COBL: variants seen among roughly 807,000 people sequenced by gnomAD.
The protein encoded by COBL is protein cordon-bleu.
COBL carries 51 observed loss-of-function variants against 98.8 expected under a neutral mutation model. The ratio of observed to expected loss-of-function variants is 0.52; its 90% CI spans 0.41 to 0.65. COBL has a LOEUF of 0.65. COBL is among the 30% of genes least tolerant of loss of function. COBL has a pLI of 0.00. For missense variants in COBL, 1,617 were observed against 1,617.5 expected (o/e 1.00, Z 0.01); for synonymous variants, 634 against 651.7 (o/e 0.97, Z 0.41).
chr7:51,049,060 T>G (rs938875782), intron 7 of COBL, among the ~76,000 whole-genome samples: 3 of 152,222 alleles, frequency 2.0e-5, no homozygotes, highest in Admixed American at 2.0e-4. Context: ...TTTCCTCTAA[T>G]ATATGTCAAA....
chr7:51,194,154 G>A (rs572564347), intron 2 of COBL, among the ~76,000 whole-genome samples: 4 of 152,132 alleles, frequency 2.6e-5, no homozygotes, highest in Admixed American at 2.6e-4. Flanking sequence ...TCCCCTCTAT[G>A]TGTCCATGTG....
intron 1 of COBL, among the ~76,000 whole-genome samples, chr7:51,249,746 T>TA (rs1796557724): frequency 6.6e-6 from 1 of 152,142 alleles, no homozygotes; most frequent in Non-Finnish European, 1.5e-5. Flanking sequence ...CCACCAGACC[T>TA]AAACTGGGCA....
chr7:51,029,446 A>T lies in COBL; in HGVS notation c.1650T>A (p.Asp550Glu). ...TGGAAAACAACCCCGAATCCACAGG[A>T]TCATCTGAAACTTCCCCTATGAATG... ...PVTFIGEVSD[D>E]PVDSGLFSNR... The change falls in exon 10 of 13, where the codon GAT (aspartate) becomes GAA (glutamate). Residue 550 changes from aspartate to glutamate, a missense_variant. Asp to Glu is a conservative substitution (Grantham distance 45). Coordinates refer to ENST00000265136, the MANE Select transcript of COBL (RefSeq NM_015198.5). 6.2e-7 allele frequency: 1 copy of T among 1,614,130 alleles called. No homozygotes were observed. Among genetic ancestry groups the T allele is most frequent in the Non-Finnish European group, 8.5e-7 (1 of 1,180,022 alleles).
intron 1 of COBL, among the ~76,000 whole-genome samples, chr7:51,234,460 G>A (rs1156419232): frequency 6.6e-6 from 1 of 152,234 alleles, no homozygotes; most frequent in Non-Finnish European, 1.5e-5. Flanking sequence ...CAGCACTCTG[G>A]GAGGCCTAGG....
At chr7:51,255,354 T>C (rs1207182386) in intron 1 of COBL, among the ~76,000 whole-genome samples, 1 of 152,106 alleles carries the variant, frequency 6.6e-6, no homozygotes, top group East Asian at 1.9e-4. Context: ...GGGAAACTCA[T>C]CAACAACCAC....
intron 4 of COBL, among the ~76,000 whole-genome samples, chr7:51,188,649 G>A (rs1204204252): frequency 6.6e-6 from 1 of 152,170 alleles, no homozygotes; most frequent in Non-Finnish European, 1.5e-5. Context: ...TTGGAGGTTT[G>A]GGAGCAGCTA....
At chr7:51,057,119 T>C (rs1448464097) in intron 7 of COBL, among the ~76,000 whole-genome samples, 1 of 152,206 alleles carries the variant, frequency 6.6e-6, no homozygotes, top group Non-Finnish European at 1.5e-5. Flanking sequence ...TCAGACGGAC[T>C]GTCTCAAGGT....
Position 51,016,768 on chromosome 7 carries a change from T to C in COBL, c.*783A>G, listed in dbSNP as rs1193601838. On this transcript the variant is annotated 3_prime_UTR_variant, in exon 13 of 13. Coordinates refer to ENST00000265136, the MANE Select transcript of COBL (RefSeq NM_015198.5). ...CACCGTGGGGGAGGCCTATGTCACT[T>C]CATAGCCTGGGGAATGGCTGTCCAT... 5.1e-6 allele frequency: 2 copies of C among 395,856 alleles called. No homozygotes were observed. Among genetic ancestry groups the C allele is most frequent in the Non-Finnish European group, 8.9e-6 (2 of 224,986 alleles). 24.5% of individuals were successfully genotyped at this position (395,856 alleles called of 1,614,324 possible).
chr7:51,191,101 A>C, intron 3 of COBL, 23 bp from the exon 4 acceptor site: 1 of 1,602,734 alleles, frequency 6.2e-7, no homozygotes, highest in Non-Finnish European at 8.5e-7. Context: ...ACAGGCAAAA[A>C]GAATTCAGTA....
At chr7:51,179,101 T>C (rs934116359) in intron 5 of COBL, among the ~76,000 whole-genome samples, 3 of 152,240 alleles carry the variant, frequency 2.0e-5, no homozygotes, top group South Asian at 2.1e-4. Context: ...AACTAACTTT[T>C]GGAGATTAGG....
chr7:51,292,133 T>C (rs1214838053), intron 1 of COBL, among the ~76,000 whole-genome samples: 1 of 146,740 alleles, frequency 6.8e-6, no homozygotes, highest in African/African-American at 2.5e-5. Flanking sequence ...GGCAACAGAA[T>C]GAGACTTTGA....
chr7:51,259,689 T>A, intron 1 of COBL: 1 of 738,582 alleles, frequency 1.4e-6, no homozygotes, highest in South Asian at 1.4e-5. Context: ...GTCTTATTCT[T>A]GACCTTGGCT....
At chr7:51,291,459 T>C (rs1800886389) in intron 1 of COBL, among the ~76,000 whole-genome samples, 1 of 152,102 alleles carries the variant, frequency 6.6e-6, no homozygotes, top group Admixed American at 6.5e-5. Context: ...GTGACAGTCA[T>C]AAAAAAGCAA....
intron 12 of COBL, among the ~76,000 whole-genome samples, chr7:51,020,304 G>A (rs1208058805): frequency 1.3e-5 from 2 of 152,184 alleles, no homozygotes; most frequent in Non-Finnish European, 2.9e-5. Flanking sequence ...AGATCCACAA[G>A]TCATCGGGAT....
rs1298101595 is a variant in COBL at position 51,275,634 on chromosome 7, G to GCCACCACCAGCCGCCACCAA, written c.41+40939_41+40958dup. On this transcript the variant is annotated intron_variant, in intron 1 of 12. Coordinates refer to ENST00000265136, the MANE Select transcript of COBL (RefSeq NM_015198.5). ...CCGCCACTGGCATCAGCTGCCACCA[G>GCCACCACCAGCCGCCACCAA]CCACCACCAGCCGCCACCAACCACC... 1.0e-3 allele frequency among the ~76,000 whole-genome samples: 158 copies of GCCACCACCAGCCGCCACCAA among 152,048 alleles called. 1 individual carries two copies. The highest frequency in any genetic ancestry group is 9.6e-3 in the Admixed American group (147 of 15,264).
intron 1 of COBL, among the ~76,000 whole-genome samples, chr7:51,280,364 C>T (rs542586510): frequency 6.6e-6 from 1 of 152,280 alleles, no homozygotes; most frequent in Non-Finnish European, 1.5e-5. Flanking sequence ...CCCCAGTCCA[C>T]AAGCAGTCCT....
At chr7:51,249,039 G>A (rs1796504753) in intron 1 of COBL, among the ~76,000 whole-genome samples, 1 of 152,188 alleles carries the variant, frequency 6.6e-6, no homozygotes, top group Non-Finnish European at 1.5e-5. Context: ...AACAGACATA[G>A]TATAATTTAT....
chr7:51,039,835 C>T (rs780521177), intron 8 of COBL, among the ~76,000 whole-genome samples: 2 of 152,236 alleles, frequency 1.3e-5, no homozygotes, highest in African/African-American at 2.4e-5. Context: ...CCAACATTTA[C>T]AATTTGAGAG....
At chr7:51,171,912 T>C (rs970458927) in intron 5 of COBL, among the ~76,000 whole-genome samples, 6 of 152,334 alleles carry the variant, frequency 3.9e-5, no homozygotes, top group Middle Eastern at 3.4e-3. Context: ...TAATTTTTAA[T>C]AGGTGATAGT....
Sources: allele counts gnomAD v4.1 joint callset (sites outside exome capture counted in the v4.1 genomes callset), GRCh38; gene constraint gnomAD v4.1.1; transcripts MANE v1.5; gene names NCBI Gene and HGNC (gene_info 2026-07-23, HGNC 2026-07-21).